PDE4D: variants seen among roughly 807,000 people sequenced by gnomAD.
PDE4D encodes phosphodiesterase 4D.
A neutral mutation model predicts 87.4 loss-of-function variants in PDE4D; 24 were observed. The ratio of observed to expected loss-of-function variants is 0.27; its 90% confidence interval spans 0.20 to 0.39. The LOEUF is 0.39. PDE4D is among the 10% of genes least tolerant of loss of function. The pLI, the probability that PDE4D is intolerant of heterozygous loss-of-function variation, is 1.00. For synonymous variants in PDE4D, 384 were observed against 383.2 expected (o/e 1.00, Z -0.02); for missense variants, 714 against 1,041.0 (o/e 0.69, Z 4.32).
At chr5:59,280,689 C>T (rs1464404138) in intron 1 of PDE4D, among the ~76,000 whole-genome samples, 1 of 152,004 alleles carries the variant, frequency 6.6e-6, no homozygotes, top group Non-Finnish European at 1.5e-5. Flanking sequence ...CAAACTCCAG[C>T]ATTGATTCCT....
intron 1 of PDE4D, among the ~76,000 whole-genome samples, chr5:59,476,898 T>C (rs1331718466): frequency 6.6e-6 from 1 of 152,032 alleles, no homozygotes; most frequent in Non-Finnish European, 1.5e-5. Context: ...ATTAATAGCA[T>C]TACAGCACGT....
chr5:60,252,359 G>T (rs1748571535), intron 1 of PDE4D, among the ~76,000 whole-genome samples: 1 of 149,068 alleles, frequency 6.7e-6, no homozygotes. Context: ...CATTCCAATT[G>T]GCACAATTAA....
At chr5:60,431,417 C>T (rs1744284925) in intron 1 of PDE4D, among the ~76,000 whole-genome samples, 1 of 151,086 alleles carries the variant, frequency 6.6e-6, no homozygotes, top group Non-Finnish European at 1.5e-5. Flanking sequence ...GGTAGAGGCG[C>T]TCCTCACATC....
chr5:60,151,018 T>C (rs942250235), intron 2 of PDE4D, among the ~76,000 whole-genome samples: 2 of 152,144 alleles, frequency 1.3e-5, no homozygotes, highest in Non-Finnish European at 2.9e-5. Context: ...AAAAAGTAAC[T>C]AATCTTTTAC....
chr5:59,682,390 G>A (rs1031340581), intron 1 of PDE4D, among the ~76,000 whole-genome samples: 1 of 152,154 alleles, frequency 6.6e-6, no homozygotes, highest in Non-Finnish European at 1.5e-5. Context: ...TAAGGAGTTA[G>A]CATCCCTACT....
Position 60,232,497 on chromosome 5 carries a change from A to G in PDE4D, c.-89-46810T>C, listed in dbSNP as rs77902576. On this transcript the variant is annotated intron_variant, in intron 1 of 16. Transcript: ENST00000502484. ...GTTGGTAAATCTAGACTTGGGAAGCAAAATCAATGGTATGTTTTTGAGACA... is the reference window on the plus strand; with the variant it reads ...GTTGGTAAATCTAGACTTGGGAAGCGAAATCAATGGTATGTTTTTGAGACA... Among the ~76,000 whole-genome samples the G allele has an allele frequency of 2.9e-3, 434 of 152,020 alleles. 3 individuals carry two copies. Among genetic ancestry groups the G allele is most frequent in the East Asian group, 0.019 (97 of 5,156 alleles).
At chr5:59,752,979 A>G (rs1239074792) in intron 1 of PDE4D, among the ~76,000 whole-genome samples, 2 of 152,176 alleles carry the variant, frequency 1.3e-5, no homozygotes, top group Non-Finnish European at 2.9e-5. Flanking sequence ...TTGCAAATAC[A>G]GTTTTATTGG....
At chr5:60,084,633 C>T (rs1774340610) in intron 2 of PDE4D, among the ~76,000 whole-genome samples, 2 of 152,232 alleles carry the variant, frequency 1.3e-5, no homozygotes, top group South Asian at 2.1e-4. Context: ...CTTAAAAGAA[C>T]ATTTTAAATC....
intron 1 of PDE4D, chr5:59,430,228 C>A: frequency 2.5e-6 from 3 of 1,216,166 alleles, no homozygotes; most frequent in Non-Finnish European, 3.1e-6. Flanking sequence ...ACATCCAAAG[C>A]AGTTACCAAA....
At position 60,197,018 on chromosome 5, in the gene PDE4D, CAGATAGAT is replaced by C. The variant is rs201360208; in HGVS notation, c.-89-11339_-89-11332del. 4.5e-3 allele frequency among the ~76,000 whole-genome samples: 554 copies of C among 123,562 alleles called. 9 individuals carry two copies. The highest frequency in any genetic ancestry group is 0.027 in the East Asian group (109 of 4,022). The allele number at this position is 123,562 out of a possible 152,430, so 81.1% of individuals were successfully genotyped here. ...GCCTCTCTGGCAAAAACAAGATAGG[CAGATAGAT>C]AGATAGATAGATAGATAGATAGATA... On this transcript the variant is annotated intron_variant, in intron 1 of 16. Coordinates refer to the PDE4D transcript ENST00000502484.
At chr5:60,122,341 C>A (rs1414916555) in intron 2 of PDE4D, among the ~76,000 whole-genome samples, 3 of 152,234 alleles carry the variant, frequency 2.0e-5, no homozygotes, top group Non-Finnish European at 4.4e-5. Context: ...ACTTCCCTAG[C>A]AGAGGTTTTC....
At chr5:59,409,252 G>A (rs1792242839) in intron 1 of PDE4D, among the ~76,000 whole-genome samples, 1 of 152,126 alleles carries the variant, frequency 6.6e-6, no homozygotes, top group Non-Finnish European at 1.5e-5. Flanking sequence ...CTCATAAGTG[G>A]GAGGAACTCA....
intron 2 of PDE4D, among the ~76,000 whole-genome samples, chr5:59,201,723 T>C (rs1747451975): frequency 6.6e-6 from 1 of 152,188 alleles, no homozygotes; most frequent in Non-Finnish European, 1.5e-5. Flanking sequence ...AAGTTCCTAA[T>C]ATAATAAAGC....
At chr5:59,940,954 CTGTGTA>C (rs1757112065) in intron 3 of PDE4D, among the ~76,000 whole-genome samples, 1 of 152,084 alleles carries the variant, frequency 6.6e-6, no homozygotes. Context: ...TTCTTTTATC[CTGTGTA>C]TGGGTTATAT....
chr5:60,009,384 T>C (rs1369132551), intron 2 of PDE4D, among the ~76,000 whole-genome samples: 4 of 152,076 alleles, frequency 2.6e-5, no homozygotes, highest in African/African-American at 9.7e-5. Flanking sequence ...AATCAATTGA[T>C]TGATTCATTC....
At chr5:60,089,596 G>T (rs1774891159) in intron 2 of PDE4D, among the ~76,000 whole-genome samples, 1 of 151,658 alleles carries the variant, frequency 6.6e-6, no homozygotes, top group South Asian at 2.1e-4. Context: ...AAAGTAGAAA[G>T]ACTTCAAACA....
chr5:60,445,441 A>G (rs868714762), intron 1 of PDE4D, among the ~76,000 whole-genome samples: 1 of 152,324 alleles, frequency 6.6e-6, no homozygotes, highest in Middle Eastern at 3.4e-3. Flanking sequence ...TGAGAAAAAT[A>G]TAAAGTTAAA....
rs1269864694 is a variant in PDE4D at position 59,019,072 on chromosome 5, C to T, written c.921+19787G>A. On this transcript the variant is annotated intron_variant, in intron 6 of 14. Coordinates refer to ENST00000340635, the MANE Select transcript of PDE4D (RefSeq NM_001104631.2). ...TAACTGTCATATTGTCCAGCCCTCCCCCAATACCCAACTGGCTTCTCTTCA... is the reference window on the plus strand; with the variant it reads ...TAACTGTCATATTGTCCAGCCCTCCTCCAATACCCAACTGGCTTCTCTTCA... 2.0e-5 allele frequency among the ~76,000 whole-genome samples: 3 copies of T among 152,092 alleles called. No individual in the cohort carries two copies. In the East Asian group the frequency reaches 5.8e-4, roughly 29 times the overall value.
intron 3 of PDE4D, among the ~76,000 whole-genome samples, chr5:59,908,520 T>C (rs1417463330): frequency 6.6e-6 from 1 of 152,202 alleles, no homozygotes; most frequent in African/African-American, 2.4e-5. Flanking sequence ...CTTGATGACT[T>C]AGTGATGCAA....
Sources: allele counts gnomAD v4.1 joint callset (sites outside exome capture counted in the v4.1 genomes callset), GRCh38; gene constraint gnomAD v4.1.1; transcripts MANE v1.5; gene names NCBI Gene and HGNC (gene_info 2026-07-23, HGNC 2026-07-21).